Variants in NTRK3 observed in about 807,000 individuals in gnomAD.
The protein encoded by NTRK3 is neurotrophic receptor tyrosine kinase 3.
NTRK3 carries 24 observed loss-of-function variants against 91.7 expected under a neutral mutation model. The observed-to-expected ratio is 0.26, with a 90% confidence interval of 0.19 to 0.37. The LOEUF is 0.37. NTRK3 is among the 10% of genes least tolerant of loss of function. The probability of loss-of-function intolerance (pLI) is 1.00; values close to 1 mark genes in which losing one functional copy is unlikely to be tolerated. For synonymous variants in NTRK3, 483 were observed against 404.0 expected (o/e 1.20, Z -2.34); for missense variants, 880 against 1,068.9 (o/e 0.82, Z 2.46).
chr15:87,973,216 G>A (rs1351092363), intron 14 of NTRK3, among the ~76,000 whole-genome samples: 1 of 152,152 alleles, frequency 6.6e-6, no homozygotes, highest in Admixed American at 6.5e-5. Context: ...AAAACACAGA[G>A]GGGTGTTAGA....
chr15:87,897,513 G>C (rs1043804767), intron 17 of NTRK3, among the ~76,000 whole-genome samples: 3 of 152,138 alleles, frequency 2.0e-5, no homozygotes, highest in Non-Finnish European at 4.4e-5. Flanking sequence ...TGTTAAAAGA[G>C]CTCAAGTCAC....
intron 13 of NTRK3, 62 bp downstream of exon 13, chr15:88,126,209 T>A: frequency 8.0e-7 from 1 of 1,248,874 alleles, no homozygotes. Context: ...AACAGTATCT[T>A]TTGATCAAAA....
intron 13 of NTRK3, among the ~76,000 whole-genome samples, chr15:88,045,473 T>G (rs866722628): frequency 4.0e-4 from 61 of 152,286 alleles, no homozygotes; most frequent in Middle Eastern, 3.4e-3. Context: ...TAAAGTCCCT[T>G]TAAGAGAACA....
At chr15:87,916,753 T>C (rs577107559) in intron 17 of NTRK3, among the ~76,000 whole-genome samples, 13 of 151,824 alleles carry the variant, frequency 8.6e-5, no homozygotes, top group Middle Eastern at 3.5e-3. Flanking sequence ...CAATTACCTA[T>C]GAAAAGCACA....
At chr15:88,145,251 C>T (rs1008649278) in intron 6 of NTRK3, among the ~76,000 whole-genome samples, 4 of 152,206 alleles carry the variant, frequency 2.6e-5, no homozygotes, top group Non-Finnish European at 4.4e-5. Context: ...AGCCAACACG[C>T]GGCCCCTCCA....
intron 16 of NTRK3, among the ~76,000 whole-genome samples, chr15:87,932,789 G>C (rs1253649767): frequency 6.6e-6 from 1 of 152,124 alleles, no homozygotes; most frequent in Non-Finnish European, 1.5e-5. Flanking sequence ...AATAGTATAG[G>C]ATACTTATCA....
intron 17 of NTRK3, among the ~76,000 whole-genome samples, chr15:87,923,372 A>G (rs2068033902): frequency 6.6e-6 from 1 of 152,164 alleles, no homozygotes; most frequent in Admixed American, 6.5e-5. Flanking sequence ...CCTTCATGCC[A>G]GTTTCTCCTT....
intron 5 of NTRK3, among the ~76,000 whole-genome samples, chr15:88,176,568 CA>C (rs1397668221): frequency 1.3e-5 from 2 of 152,152 alleles, no homozygotes; most frequent in South Asian, 4.1e-4. Flanking sequence ...CAGAGCGTAC[CA>C]AGGCCCACAT....
At position 87,890,863 on chromosome 15, in the gene NTRK3, A is replaced by G. The variant is rs536665804; in HGVS notation, c.2134-10435T>C. On this transcript the variant is annotated intron_variant, in intron 17 of 18. Coordinates refer to ENST00000394480, the Ensembl canonical transcript of NTRK3. ...GGCAATGGAATTTAAAGACCACAAC[A>G]TGGATCGTTGGAGTGCTCATCTCTA... Among the ~76,000 whole-genome samples the G allele has an allele frequency of 7.9e-5, 12 of 152,284 alleles. No individual in the cohort carries two copies. The South Asian group carries it at 2.5e-3, about 32-fold the overall frequency.
At chr15:88,005,156 A>G (rs1041468872) in intron 14 of NTRK3, among the ~76,000 whole-genome samples, 3 of 152,062 alleles carry the variant, frequency 2.0e-5, no homozygotes. Flanking sequence ...CTCATTAGGC[A>G]CTCACACTGT....
intron 14 of NTRK3, among the ~76,000 whole-genome samples, chr15:87,944,564 T>A (rs1480069016): frequency 6.6e-6 from 1 of 152,178 alleles, no homozygotes; most frequent in Non-Finnish European, 1.5e-5. Flanking sequence ...TGTTTATGAC[T>A]CCGAAACCCG....
In NTRK3 at chr15:88,255,294, AG is replaced by A. The variant is rs1256521349; in HGVS notation, c.248+611del. ...GGGGCTGGAGAGGGCGGGCTGCAGG[AG>A]GGGAAGGGAAGAGGTAGGCGTCCAT... On this transcript the variant is annotated intron_variant, in intron 3 of 18. Transcript: ENST00000394480. The surrounding 1 kb of genome is among the most constrained non-coding windows in gnomAD (Gnocchi z 4.3). Among the ~76,000 whole-genome samples the A allele has an allele frequency of 1.3e-5, 2 of 152,224 alleles. No individual in the cohort carries two copies. Among genetic ancestry groups the A allele is most frequent in the Non-Finnish European group, 2.9e-5 (2 of 68,012 alleles).
chr15:88,031,474 C>T (rs1331133457), intron 14 of NTRK3, among the ~76,000 whole-genome samples: 2 of 152,160 alleles, frequency 1.3e-5, no homozygotes, highest in East Asian at 1.9e-4. Flanking sequence ...GGAAATTTAG[C>T]CAGAAGTGAA....
At chr15:88,047,870 G>A (rs1022880144) in intron 13 of NTRK3, among the ~76,000 whole-genome samples, 2 of 152,176 alleles carry the variant, frequency 1.3e-5, no homozygotes, top group Non-Finnish European at 2.9e-5. Flanking sequence ...GTGTGGGAGT[G>A]GAAGGTGGAG....
chr15:88,087,812 G>A (rs1056393105), intron 13 of NTRK3, among the ~76,000 whole-genome samples: 1 of 152,202 alleles, frequency 6.6e-6, no homozygotes, highest in African/African-American at 2.4e-5. Context: ...ACTTTGGGAG[G>A]TCGAGGTGGG....
chr15:88,055,047 G>T (rs2045561478), intron 13 of NTRK3, among the ~76,000 whole-genome samples: 1 of 152,150 alleles, frequency 6.6e-6, no homozygotes, highest in South Asian at 2.1e-4. Flanking sequence ...GCTTTACAAA[G>T]CCATGAACTG....
At chr15:87,937,564 A>C (rs190571331) in intron 15 of NTRK3, among the ~76,000 whole-genome samples, 1 of 152,304 alleles carries the variant, frequency 6.6e-6, no homozygotes, top group East Asian at 1.9e-4. Flanking sequence ...TCAAGCCAAA[A>C]GGAACCCAAA....
At chr15:87,977,585 G>A (rs999204938) in intron 14 of NTRK3, 4 of 231,288 alleles carry the variant, frequency 1.7e-5, no homozygotes, top group Admixed American at 1.1e-4. Context: ...ACACTTGGGA[G>A]GAGGCCCTGG....
At chr15:87,997,897 G>C (rs146176397) in intron 14 of NTRK3, among the ~76,000 whole-genome samples, 1,615 of 152,238 alleles carry the variant, frequency 0.011, 27 homozygotes, top group African/African-American at 0.035. Flanking sequence ...TGTGGGACAG[G>C]GGAGAGTCAC....
Sources: gnomAD v4.1 joint callset for allele counts (sites outside exome capture counted in the v4.1 genomes callset) on GRCh38, gnomAD v4.1.1 for gene constraint, Gnocchi (gnomAD v3.1) non-coding constraint, MANE v1.5 for transcripts, NCBI Gene and HGNC (gene_info 2026-07-23, HGNC 2026-07-21) for gene names.